The following SLC35F2 variants were observed in gnomAD, a reference collection of about 807,000 sequenced individuals.
SLC35F2 encodes the protein queuine/queuosine transporter SLC35F2.
Under a neutral mutation model 38.1 loss-of-function variants are expected in SLC35F2, and 25 were observed. The observed-to-expected ratio is 0.66, with a 90% CI of 0.48 to 0.92. SLC35F2 has a LOEUF of 0.92. Among genes scored for constraint, SLC35F2 ranks in the 40% least tolerant of loss-of-function variants. SLC35F2 has a pLI of 0.00. For missense variants in SLC35F2, 409 were observed against 452.9 expected (o/e 0.90, Z 0.88); for synonymous variants, 173 against 181.7 (o/e 0.95, Z 0.38).
chr11:107,853,633 T>A (rs904354242), intron 1 of SLC35F2, among the ~76,000 whole-genome samples: 3 of 139,856 alleles, frequency 2.1e-5, no homozygotes, highest in Admixed American at 8.4e-5. Context: ...GGCAGGAGAA[T>A]GGCGTGAACC....
At chr11:107,835,989 G>T (rs1410000697) in intron 1 of SLC35F2, among the ~76,000 whole-genome samples, 2 of 152,158 alleles carry the variant, frequency 1.3e-5, no homozygotes, top group African/African-American at 4.8e-5. Context: ...CAAGAGAAGG[G>T]CTATAGGAAT....
chr11:107,805,520 A>G lies in SLC35F2; in HGVS notation c.575-5T>C. On this transcript the variant is annotated splice_polypyrimidine_tract_variant and splice_region_variant and intron_variant, in intron 4 of 7. Coordinates refer to ENST00000525815, the MANE Select transcript of SLC35F2 (RefSeq NM_017515.5). ...CACCAATCAATACATCACTCCCTGCAGGAAGACAAGCCACAGAAAGCAAAA... is the reference window on the plus strand; with the variant it reads ...CACCAATCAATACATCACTCCCTGCGGGAAGACAAGCCACAGAAAGCAAAA... The G allele has an allele frequency of 6.2e-7, 1 of 1,609,808 alleles. No individual in the cohort carries two copies. Among genetic ancestry groups the G allele is most frequent in the Non-Finnish European group, 8.5e-7 (1 of 1,178,662 alleles).
chr11:107,805,266 T>C, intron 5 of SLC35F2, 93 bp downstream of exon 5: 1 of 1,428,816 alleles, frequency 7.0e-7, no homozygotes, highest in Admixed American at 2.6e-5. Context: ...ATTCCAAATG[T>C]GAATTTGGGC....
At chr11:107,799,785 GTCTCGA>G (rs1859276518) in intron 7 of SLC35F2, among the ~76,000 whole-genome samples, 1 of 152,014 alleles carries the variant, frequency 6.6e-6, no homozygotes, top group Admixed American at 6.6e-5. Context: ...GGCCAGGATG[GTCTCGA>G]TCTCTTGACC....
intron 1 of SLC35F2, among the ~76,000 whole-genome samples, chr11:107,849,489 A>G (rs1860143653): frequency 1.3e-5 from 2 of 151,936 alleles, no homozygotes; most frequent in Non-Finnish European, 2.9e-5. Flanking sequence ...AAATGCAAAA[A>G]CTAGCCAGGC....
intron 1 of SLC35F2, among the ~76,000 whole-genome samples, chr11:107,818,072 A>AAGAAAGAAAGAAAGAAAGAAAG: frequency 1.5e-5 from 1 of 68,480 alleles, no homozygotes; most frequent in Non-Finnish European, 2.6e-5. Flanking sequence ...AAAAAAAAAA[A>AAGAAAGAAAGAAAGAAAGAAAG]AAAGAAAGAA....
At chr11:107,824,424 T>A (rs912708357) in intron 1 of SLC35F2, among the ~76,000 whole-genome samples, 3 of 152,162 alleles carry the variant, frequency 2.0e-5, no homozygotes, top group Non-Finnish European at 2.9e-5. Flanking sequence ...CAGAGTTAGA[T>A]AAAACTGGGT....
chr11:107,799,740 T>C (rs1193960064), intron 7 of SLC35F2, among the ~76,000 whole-genome samples: 1 of 152,040 alleles, frequency 6.6e-6, no homozygotes, highest in African/African-American at 2.4e-5. Flanking sequence ...TCCAAGCTAA[T>C]TTTTGTACTT....
chr11:107,816,418 C>A, intron 1 of SLC35F2: 6 of 304,318 alleles, frequency 2.0e-5, no homozygotes, highest in Non-Finnish European at 2.9e-5. Flanking sequence ...ATAACTGGGA[C>A]TATAGGCACA....
chr11:107,818,709 A>G (rs963393166), intron 1 of SLC35F2, among the ~76,000 whole-genome samples: 3 of 152,222 alleles, frequency 2.0e-5, no homozygotes, highest in African/African-American at 7.2e-5. Flanking sequence ...ACTCTACCAC[A>G]TGACTACATC....
chr11:107,820,148 C>CG (rs144070836), intron 1 of SLC35F2, among the ~76,000 whole-genome samples: 8,305 of 151,148 alleles, frequency 0.055, 457 homozygotes, highest in African/African-American at 0.14. Context: ...CCCAGCTTCT[C>CG]GGAGGCTGAG....
At chr11:107,811,041 T>C (rs1330527649) in intron 3 of SLC35F2, 12 of 985,066 alleles carry the variant, frequency 1.2e-5, no homozygotes, top group Non-Finnish European at 1.4e-5. Flanking sequence ...CCTCCACTTA[T>C]AAAACATTTT....
At chr11:107,843,886 T>C (rs1440383447) in intron 1 of SLC35F2, among the ~76,000 whole-genome samples, 1 of 67,128 alleles carries the variant, frequency 1.5e-5, no homozygotes, top group African/African-American at 4.9e-5. Context: ...TATATATATA[T>C]ATATATATAT....
At position 107,791,010 on chromosome 11, in the gene SLC35F2, A is replaced by T. The variant is rs1028887374; in HGVS notation, c.*1605T>A. ...AGTTGATGTATTTCCATGAATTCAAAGCCTTTTAATGATGTGAACACTTAC... is the reference window on the plus strand; with the variant it reads ...AGTTGATGTATTTCCATGAATTCAATGCCTTTTAATGATGTGAACACTTAC... On this transcript the variant is annotated 3_prime_UTR_variant, in exon 8 of 8. Transcript: ENST00000525815. The T allele has an allele frequency of 6.6e-6, 1 of 152,670 alleles. No individual in the cohort carries two copies. Among genetic ancestry groups the T allele is most frequent in the Non-Finnish European group, 1.5e-5 (1 of 68,034 alleles). 9.5% of individuals were successfully genotyped at this position (152,670 alleles called of 1,614,324 possible).
intron 3 of SLC35F2, chr11:107,811,150 C>A (rs1211193364): frequency 3.0e-6 from 3 of 985,002 alleles, no homozygotes; most frequent in Admixed American, 6.2e-5. Flanking sequence ...AAGTTGAAAA[C>A]CTCTGCAATG....
At chr11:107,809,329 C>CAAAA (rs61511493) in intron 3 of SLC35F2, among the ~76,000 whole-genome samples, 6 of 96,118 alleles carry the variant, frequency 6.2e-5, no homozygotes, top group Non-Finnish European at 1.1e-4. Context: ...ACTCAAAATA[C>CAAAA]AAAAAAAAAA....
chr11:107,812,713 T>C (rs1448444685), intron 2 of SLC35F2, among the ~76,000 whole-genome samples: 3 of 152,198 alleles, frequency 2.0e-5, no homozygotes, highest in Non-Finnish European at 4.4e-5. Flanking sequence ...AAAATCCCTT[T>C]CCTATCATAA....
chr11:107,792,589 G>C lies in SLC35F2; in HGVS notation c.*26C>G. 1 of 1,577,850 alleles carries C rather than the reference G, an allele frequency of 6.3e-7. No homozygotes were observed. The highest frequency in any genetic ancestry group is 8.6e-7 in the Non-Finnish European group (1 of 1,163,514). On this transcript the variant is annotated 3_prime_UTR_variant, in exon 8 of 8. Coordinates refer to ENST00000525815, the MANE Select transcript of SLC35F2 (RefSeq NM_017515.5). ...CAGCAGGCTCTGCTTTATCCTGGTG[G>C]GGGATGGGTGCGCCATCTTCTCCAG...
intron 1 of SLC35F2, among the ~76,000 whole-genome samples, chr11:107,840,400 C>T (rs1859995882): frequency 6.6e-6 from 1 of 152,198 alleles, no homozygotes; most frequent in Non-Finnish European, 1.5e-5. Flanking sequence ...GCCAAGAAGC[C>T]ACATAAAATG....
Sources: gnomAD v4.1 joint callset for allele counts (sites outside exome capture counted in the v4.1 genomes callset) on GRCh38, gnomAD v4.1.1 for gene constraint, MANE v1.5 for transcripts, NCBI Gene and HGNC (gene_info 2026-07-23, HGNC 2026-07-21) for gene names.